FREM2: variants seen among roughly 807,000 people sequenced by gnomAD.
FREM2 encodes the protein FRAS1-related extracellular matrix protein 2.
Under a neutral mutation model 219.9 loss-of-function variants are expected in FREM2, and 119 were observed. That is an observed-to-expected ratio of 0.54 (90% confidence interval 0.47 to 0.63). FREM2 has a LOEUF of 0.63. FREM2 is among the 30% of genes least tolerant of loss of function. The pLI, the probability that FREM2 is intolerant of heterozygous loss-of-function variation, is 0.00. For missense variants in FREM2, 4,030 were observed against 3,993.6 expected (o/e 1.01, Z -0.25); for synonymous variants, 1,562 against 1,522.8 (o/e 1.03, Z -0.60).
chr13:38,753,973 TTTTTA>T (rs10661426), intron 2 of FREM2, among the ~76,000 whole-genome samples: 2 of 148,380 alleles, frequency 1.3e-5, no homozygotes, highest in African/African-American at 5.1e-5. Context: ...TTTATTTTAT[TTTTTA>T]TTTTATTTTA....
intron 2 of FREM2, among the ~76,000 whole-genome samples, chr13:38,699,278 T>C (rs1870247022): frequency 6.6e-6 from 1 of 152,104 alleles, no homozygotes; most frequent in Admixed American, 6.5e-5. Context: ...TAAAATATTC[T>C]ATACTTTTTA....
chr13:38,715,676 G>T (rs1870969612), intron 2 of FREM2, among the ~76,000 whole-genome samples: 1 of 151,216 alleles, frequency 6.6e-6, no homozygotes, highest in Non-Finnish European at 1.5e-5. Flanking sequence ...TGGCCCTATT[G>T]TCTTAGAGAT....
chr13:38,873,162 C>T (rs760330263), intron 17 of FREM2, among the ~76,000 whole-genome samples: 2 of 152,058 alleles, frequency 1.3e-5, no homozygotes, highest in Non-Finnish European at 1.5e-5. Context: ...TTATATATTT[C>T]ATGGATATTT....
At position 38,692,006 on chromosome 13, in the gene FREM2, T is replaced by G; in HGVS notation, c.4662T>G (p.Phe1554Leu). 1.2e-6 allele frequency: 2 copies of G among 1,614,242 alleles called. No homozygotes were observed. The highest frequency in any genetic ancestry group is 1.7e-6 in the Non-Finnish European group (2 of 1,180,052). The change falls in exon 1 of 24, where the codon TTT (phenylalanine) becomes TTG (leucine). Residue 1554 changes from phenylalanine to leucine, a missense_variant. Physicochemically the swap from Phe to Leu is conservative, Grantham distance 22. Transcript: ENST00000280481. ...GTGAAAACAAGCTGATTACTCCTTT[T>G]GAGCTCACTGTCGAAGACAGAGATA... ...SESENKLITPFELTVEDRDTP... is the reference protein window; with the variant it reads ...SESENKLITPLELTVEDRDTP...
intron 2 of FREM2, among the ~76,000 whole-genome samples, chr13:38,755,710 C>T (rs1048746301): frequency 2.6e-5 from 4 of 152,226 alleles, no homozygotes; most frequent in African/African-American, 9.6e-5. Flanking sequence ...AGGTCTGTCA[C>T]TCCAGTTTCC....
chr13:38,774,216 A>G (rs1873784511), intron 4 of FREM2, among the ~76,000 whole-genome samples: 1 of 152,058 alleles, frequency 6.6e-6, no homozygotes. Flanking sequence ...TTCTCTTTCT[A>G]TTATATATTA....
At position 38,689,635 on chromosome 13, in the gene FREM2, C is replaced by T. The variant is rs1869713507; in HGVS notation, c.2291C>T (p.Thr764Ile). The change falls in exon 1 of 24, where the codon ACT (threonine) becomes ATT (isoleucine). Residue 764 changes from threonine to isoleucine, a missense_variant. By Grantham distance (89) the Thr-to-Ile change is moderately conservative. Around this residue, in one of 2 missense-constraint regions of FREM2, gnomAD observed 3,102 missense variants for 2,950.7 expected, o/e 1.05. Transcript: ENST00000280481. ...LPAPLGTLVL[T>I]DNPSVVVTHF... is the part of the protein sequence containing the mutation. The stretch of plus-strand genomic sequence containing the variant: ...GCCCCACTGGGTACCTTGGTCTTGA[C>T]TGACAACCCCTCAGTCGTGGTGACC... 6.2e-7 allele frequency: 1 copy of T among 1,613,982 alleles called. No individual in the cohort carries two copies. Among genetic ancestry groups the T allele is most frequent in the Non-Finnish European group, 8.5e-7 (1 of 1,180,022 alleles).
chr13:38,838,095 T>C (rs976611854), intron 6 of FREM2, among the ~76,000 whole-genome samples: 1 of 152,202 alleles, frequency 6.6e-6, no homozygotes, highest in Admixed American at 6.5e-5. Flanking sequence ...CAGTGGCTGG[T>C]ACTGGTTTTT....
chr13:38,826,860 G>A (rs553388849), intron 6 of FREM2, among the ~76,000 whole-genome samples: 6 of 152,046 alleles, frequency 3.9e-5, no homozygotes, highest in Non-Finnish European at 7.4e-5. Context: ...GGTATGGAGA[G>A]TTTAAGCATA....
intron 22 of FREM2, 28 bp downstream of exon 22, chr13:38,878,349 T>C (rs770667036): frequency 2.6e-6 from 4 of 1,560,624 alleles, no homozygotes; most frequent in Non-Finnish European, 3.5e-6. Context: ...AAAAATGAGC[T>C]AGATAGATTT....
In FREM2 at chr13:38,690,798, G is replaced by A. The variant is rs774334820; in HGVS notation, c.3454G>A (p.Val1152Ile). ...RQGHINYVQS[V>I]HKGVEPVEDR... ...GGGCCACATAAACTATGTCCAGAGT[G>A]TCCATAAAGGGGTGGAACCTGTGGA... Residue 1152 changes from valine (V) to isoleucine (I), a missense_variant, in exon 1 of 24, where the codon GTC becomes ATC. By Grantham distance (29) the Val-to-Ile change is conservative. Coordinates refer to ENST00000280481, the MANE Select transcript of FREM2 (RefSeq NM_207361.6). The A allele has an allele frequency of 3.7e-5, 60 of 1,614,022 alleles. No individual in the cohort carries two copies. The highest frequency in any genetic ancestry group is 4.6e-5 in the Non-Finnish European group (54 of 1,180,032).
intron 11 of FREM2, among the ~76,000 whole-genome samples, chr13:38,855,348 T>C (rs1877515403): frequency 6.6e-6 from 1 of 152,204 alleles, no homozygotes; most frequent in Non-Finnish European, 1.5e-5. Context: ...CTTCTACATA[T>C]GTACATAATG....
chr13:38,835,153 G>A (rs1030694503), intron 6 of FREM2, among the ~76,000 whole-genome samples: 1 of 152,136 alleles, frequency 6.6e-6, no homozygotes, highest in Non-Finnish European at 1.5e-5. Context: ...TCCGGTTTCA[G>A]TTTACTGTGT....
intron 6 of FREM2, among the ~76,000 whole-genome samples, chr13:38,805,230 T>G (rs963684497): frequency 1.3e-5 from 2 of 151,656 alleles, no homozygotes; most frequent in African/African-American, 4.8e-5. Flanking sequence ...GCAGTGTACG[T>G]GAAAAGAAAT....
intron 15 of FREM2, 42 bp downstream of exon 15, chr13:38,861,604 C>A: frequency 1.2e-6 from 2 of 1,603,304 alleles, no homozygotes; most frequent in Non-Finnish European, 1.7e-6. Context: ...TTGTTTTGGA[C>A]TCCTCATTAC....
chr13:38,773,964 A>T (rs973697841), intron 4 of FREM2, among the ~76,000 whole-genome samples: 7 of 150,688 alleles, frequency 4.6e-5, no homozygotes, highest in African/African-American at 9.7e-5. Flanking sequence ...GGCAGTATTT[A>T]AAAAAAATAT....
chr13:38,757,591 CT>C (rs908979497), intron 2 of FREM2, among the ~76,000 whole-genome samples: 11 of 150,788 alleles, frequency 7.3e-5, no homozygotes, highest in Non-Finnish European at 1.2e-4. Context: ...TGCCACTCCT[CT>C]TTTTTTTTCT....
At chr13:38,714,533 T>C (rs771276978) in intron 2 of FREM2, among the ~76,000 whole-genome samples, 80 of 152,146 alleles carry the variant, frequency 5.3e-4, no homozygotes, top group Non-Finnish European at 8.8e-4. Context: ...CTATATGACA[T>C]GGTGACTATG....
At chr13:38,763,683 G>C (rs1055123292) in intron 2 of FREM2, among the ~76,000 whole-genome samples, 7 of 152,118 alleles carry the variant, frequency 4.6e-5, no homozygotes, top group African/African-American at 1.7e-4. Context: ...TCTGCTGATA[G>C]GCAGCCCACT....
Sources: allele counts gnomAD v4.1 joint callset (sites outside exome capture counted in the v4.1 genomes callset), GRCh38; gene constraint gnomAD v4.1.1; regional missense constraint gnomAD v4.1.1; transcripts MANE v1.5; gene names NCBI Gene and HGNC (gene_info 2026-07-23, HGNC 2026-07-21).